Variants in RNF144B observed in about 807,000 individuals in gnomAD.
RNF144B encodes the protein E3 ubiquitin-protein ligase RNF144B.
A neutral mutation model predicts 40.2 loss-of-function variants in RNF144B; 25 were observed. The ratio of observed to expected loss-of-function variants is 0.62; its 90% CI spans 0.45 to 0.87. RNF144B has a LOEUF of 0.87. Ranked by LOEUF, RNF144B falls within the 40% of genes least tolerant of loss-of-function variation. RNF144B has a pLI of 0.00. For synonymous variants in RNF144B, 145 were observed against 136.3 expected (o/e 1.06, Z -0.44); for missense variants, 365 against 373.7 (o/e 0.98, Z 0.19).
At chr6:18,453,048 G>C (rs1473936144) in intron 4 of RNF144B, among the ~76,000 whole-genome samples, 1 of 151,582 alleles carries the variant, frequency 6.6e-6, no homozygotes, top group Non-Finnish European at 1.5e-5. Flanking sequence ...TGGCCCCTCA[G>C]AGTGCTGGGA....
In RNF144B at chr6:18,450,882, A is replaced by G. The variant is rs1367588034; in HGVS notation, c.332-6273A>G. Among the ~76,000 whole-genome samples the G allele has an allele frequency of 2.6e-5, 4 of 152,176 alleles. No individual in the cohort carries two copies. The highest frequency in any genetic ancestry group is 6.5e-5 in the Admixed American group (1 of 15,284). ...AAAAGATCTGTTGATATGGTGCTTT[A>G]TCTCTTTGTAATCTAATGTCATTGT... On this transcript the variant is annotated intron_variant, in intron 4 of 7. Coordinates refer to ENST00000259939, the MANE Select transcript of RNF144B (RefSeq NM_182757.4). This position sits in a 1 kb window ranked among gnomAD's most constrained non-coding sequence, Gnocchi z 4.7.
chr6:18,428,199 T>C (rs552207), intron 3 of RNF144B, among the ~76,000 whole-genome samples: 103,141 of 151,944 alleles, frequency 0.68, 36,321 homozygotes, highest in East Asian at 0.84. Context: ...GTTTGCTTTC[T>C]CTTCTACCAT....
At chr6:18,462,255 C>T (rs561144507) in intron 6 of RNF144B, among the ~76,000 whole-genome samples, 2 of 152,314 alleles carry the variant, frequency 1.3e-5, no homozygotes, top group South Asian at 4.1e-4. Context: ...CACGTAGTCA[C>T]ACCCCGACTG....
rs751625093 is a variant in RNF144B, at chr6:18,441,744, ATAT to A, written c.331+2002_331+2004del. ...CTGTGTGACCATGGCAAGGTCCTTA[ATAT>A]TTCTGCATCTCAACTTCCTCATCTG... On this transcript the variant is annotated intron_variant, in intron 4 of 7. Transcript: ENST00000259939. The surrounding 1 kb of genome is among the most constrained non-coding windows in gnomAD (Gnocchi z 4.9). Among the ~76,000 whole-genome samples, 13 of 152,240 alleles carry A rather than the reference ATAT, an allele frequency of 8.5e-5. No individual in the cohort carries two copies. Among genetic ancestry groups the A allele is most frequent in the Non-Finnish European group, 1.9e-4 (13 of 68,020 alleles).
intron 4 of RNF144B, among the ~76,000 whole-genome samples, chr6:18,453,202 G>A (rs1045779227): frequency 8.7e-5 from 12 of 138,318 alleles, no homozygotes; most frequent in Non-Finnish European, 1.7e-4. Context: ...ACAGTGGCAC[G>A]ATCTTGGTTC....
At chr6:18,440,984 A>G (rs1333226428) in intron 4 of RNF144B, among the ~76,000 whole-genome samples, 2 of 152,122 alleles carry the variant, frequency 1.3e-5, no homozygotes, top group Non-Finnish European at 2.9e-5. Context: ...ATAGTTTATA[A>G]TGTTGAACAT....
rs780945100 is a variant in RNF144B at position 18,387,644 on chromosome 6, G to T, written c.-37+14G>T. ...GTCTGCTGCCAGGTAGGTTTAGCGAGCTTTTTAAAGGCTACAGGCGTTGCA... is the reference window on the plus strand; with the variant it reads ...GTCTGCTGCCAGGTAGGTTTAGCGATCTTTTTAAAGGCTACAGGCGTTGCA... On this transcript the variant is annotated intron_variant, in intron 1 of 7. Coordinates refer to ENST00000259939, the MANE Select transcript of RNF144B (RefSeq NM_182757.4). 7.7e-7 allele frequency: 1 copy of T among 1,294,414 alleles called. No homozygotes were observed. 80.2% of individuals were successfully genotyped at this position (1,294,414 alleles called of 1,614,324 possible). A position where few individuals can be genotyped will look rare whatever the true frequency, so the allele number is the denominator to read the frequency against.
chr6:18,403,912 A>G lies in RNF144B; in HGVS notation c.165+4213A>G, dbSNP rs75819537. On this transcript the variant is annotated intron_variant, in intron 2 of 7. Coordinates refer to ENST00000259939, the MANE Select transcript of RNF144B (RefSeq NM_182757.4). ...GGGCATCCTGGCTTTCTAAAAACTC[A>G]CTCTGGCAGGAACTATTAAGAATTC... Among the ~76,000 whole-genome samples the G allele has an allele frequency of 4.6e-3, 702 of 152,190 alleles. 9 individuals are homozygous for G. Among genetic ancestry groups the G allele is most frequent in the African/African-American group, 0.016 (648 of 41,506 alleles).
chr6:18,413,460 T>C (rs990680157), intron 2 of RNF144B, among the ~76,000 whole-genome samples: 2 of 152,206 alleles, frequency 1.3e-5, no homozygotes, highest in African/African-American at 4.8e-5. Flanking sequence ...ATATTAGAGA[T>C]TGAGCATGAA....
chr6:18,463,140 A>C (rs1470368955), intron 6 of RNF144B, 151 bp from the exon 7 acceptor site: 2 of 585,264 alleles, frequency 3.4e-6, no homozygotes, highest in Non-Finnish European at 6.1e-6. Context: ...AAAACTACCA[A>C]GATAAAGATT....
chr6:18,389,543 T>G (rs767125860), intron 1 of RNF144B, among the ~76,000 whole-genome samples: 1 of 152,228 alleles, frequency 6.6e-6, no homozygotes, highest in African/African-American at 2.4e-5. Context: ...TTCTCCGAAG[T>G]GTTTCTGCTA....
intron 4 of RNF144B, among the ~76,000 whole-genome samples, chr6:18,449,431 G>T (rs555082985): frequency 6.6e-6 from 1 of 152,056 alleles, no homozygotes; most frequent in South Asian, 2.1e-4. Context: ...AATTATAAAG[G>T]TTTTAACATT....
At position 18,443,942 on chromosome 6, in the gene RNF144B, A is replaced by G. The variant is rs112897796; in HGVS notation, c.331+4198A>G. Among the ~76,000 whole-genome samples the G allele has an allele frequency of 1.7e-3, 261 of 152,312 alleles. 1 individual carries two copies. The highest frequency in any genetic ancestry group is 6.0e-3 in the African/African-American group (249 of 41,564). On this transcript the variant is annotated intron_variant, in intron 4 of 7. Coordinates refer to ENST00000259939, the MANE Select transcript of RNF144B (RefSeq NM_182757.4). The surrounding 1 kb of genome is among the most constrained non-coding windows in gnomAD (Gnocchi z 4.7). ...TCTCATTGGCTGGACTGTGAGACAG[A>G]ATTGTAGAGATTGCTGCTGCTCTGG...
intron 3 of RNF144B, among the ~76,000 whole-genome samples, chr6:18,439,387 C>T (rs1033993794): frequency 5.9e-5 from 9 of 152,072 alleles, no homozygotes; most frequent in Non-Finnish European, 8.8e-5. Context: ...TTTTAGAAGT[C>T]CCTGTAATAA....
intron 3 of RNF144B, among the ~76,000 whole-genome samples, chr6:18,437,874 A>G (rs1758856999): frequency 1.3e-5 from 2 of 152,232 alleles, no homozygotes; most frequent in Non-Finnish European, 1.5e-5. Flanking sequence ...TGACATTTAT[A>G]TAAATTGCTC....
intron 1 of RNF144B, among the ~76,000 whole-genome samples, chr6:18,399,074 TTG>T (rs1049906131): frequency 1.3e-5 from 2 of 152,098 alleles, no homozygotes; most frequent in African/African-American, 2.4e-5. Flanking sequence ...ACATTTTTCT[TTG>T]TGTGTGTGTG....
intron 2 of RNF144B, among the ~76,000 whole-genome samples, chr6:18,407,984 C>CTTTTTT (rs370801682): frequency 7.5e-6 from 1 of 133,602 alleles, no homozygotes; most frequent in Non-Finnish European, 1.6e-5. Context: ...CTTTCTTTTT[C>CTTTTTT]TTTTTTTTTT....
At chr6:18,417,286 G>C (rs897434352) in intron 2 of RNF144B, among the ~76,000 whole-genome samples, 1 of 152,116 alleles carries the variant, frequency 6.6e-6, no homozygotes, top group African/African-American at 2.4e-5. Context: ...TCTGGAAAAA[G>C]AACAGAGTTG....
In RNF144B at chr6:18,425,989, A is replaced by T. The variant is rs141966860; in HGVS notation, c.166-1592A>T. On this transcript the variant is annotated intron_variant, in intron 2 of 7. Transcript: ENST00000259939. The surrounding 1 kb of genome is among the most constrained non-coding windows in gnomAD (Gnocchi z 4.2). ...TTGATTCATCAGTACATTGTAAGTTATTTATAACCAGATAAATACATGATT... is the reference window on the plus strand; with the variant it reads ...TTGATTCATCAGTACATTGTAAGTTTTTTATAACCAGATAAATACATGATT... Among the ~76,000 whole-genome samples, 312 of 152,312 alleles carry T rather than the reference A, an allele frequency of 2.0e-3. No homozygotes were observed. Among genetic ancestry groups the T allele is most frequent in the African/African-American group, 7.0e-3 (289 of 41,578 alleles).
Sources: allele counts gnomAD v4.1 joint callset (sites outside exome capture counted in the v4.1 genomes callset), GRCh38; gene constraint gnomAD v4.1.1; non-coding constraint Gnocchi (gnomAD v3.1); transcripts MANE v1.5; gene names NCBI Gene and HGNC (gene_info 2026-07-23, HGNC 2026-07-21).